PABPC4L: variants seen among roughly 807,000 people sequenced by gnomAD.
PABPC4L encodes the protein polyadenylate-binding protein 4-like.
For synonymous variants in PABPC4L, 169 were observed against 164.1 expected, an observed-to-expected ratio of 1.03 and a Z score of -0.23; for missense variants, 452 against 451.4, an observed-to-expected ratio of 1.00 and a Z score of -0.01.
chr4:134,147,249 C>G, the PABPC4L span, among the ~76,000 whole-genome samples: 1 of 151,942 alleles, frequency 6.6e-6, no homozygotes, highest in South Asian at 2.1e-4. Flanking sequence ...AATTTGAACT[C>G]AATTGTTTGT....
At chr4:134,196,052 C>T (rs1320528092), downstream of PABPC4L, among the ~76,000 whole-genome samples, 1 of 151,276 alleles carries the variant, frequency 6.6e-6, no homozygotes, top group African/African-American at 2.4e-5. Flanking sequence ...CAATTCTAAG[C>T]ACTTGACAGG....
the PABPC4L span, among the ~76,000 whole-genome samples, chr4:134,093,423 T>C: frequency 6.6e-6 from 1 of 151,792 alleles, no homozygotes; most frequent in African/African-American, 2.4e-5. Flanking sequence ...CCAAGAGTTG[T>C]TTAACATAAT....
the PABPC4L span, among the ~76,000 whole-genome samples, chr4:134,016,319 C>T: frequency 2.3e-4 from 35 of 152,194 alleles, no homozygotes; most frequent in African/African-American, 8.2e-4. Flanking sequence ...ATATCCTGCA[C>T]CATCATGCAA....
the PABPC4L span, among the ~76,000 whole-genome samples, chr4:133,962,025 C>G: frequency 6.6e-6 from 1 of 152,032 alleles, no homozygotes; most frequent in African/African-American, 2.4e-5. Context: ...ATCTTGGGAG[C>G]AATAAGAAAA....
chr4:133,983,757 G>T, the PABPC4L span, among the ~76,000 whole-genome samples: 2 of 151,632 alleles, frequency 1.3e-5, no homozygotes, highest in Admixed American at 1.3e-4. Flanking sequence ...CATCTTATAG[G>T]TATATTGGAA....
the PABPC4L span, among the ~76,000 whole-genome samples, chr4:133,973,767 T>G: frequency 6.6e-6 from 1 of 152,288 alleles, no homozygotes; most frequent in Non-Finnish European, 1.5e-5. Flanking sequence ...ACAACACATT[T>G]GTCAAAAACA....
the PABPC4L span, among the ~76,000 whole-genome samples, chr4:133,948,889 G>C: frequency 6.6e-6 from 1 of 152,102 alleles, no homozygotes; most frequent in African/African-American, 2.4e-5. Flanking sequence ...TACTCTCTCA[G>C]GGTTATTGCC....
chr4:133,976,657 C>A, the PABPC4L span, among the ~76,000 whole-genome samples: 1 of 152,166 alleles, frequency 6.6e-6, no homozygotes, highest in Non-Finnish European at 1.5e-5. Context: ...ACCATTCTGA[C>A]TGGCATGAGA....
chr4:134,190,920 G>T, the PABPC4L span, among the ~76,000 whole-genome samples: 1 of 152,090 alleles, frequency 6.6e-6, no homozygotes, highest in South Asian at 2.1e-4. Flanking sequence ...CCAATGTGCT[G>T]GGATTACAGG....
the PABPC4L span, among the ~76,000 whole-genome samples, chr4:134,086,531 G>T: frequency 6.6e-6 from 1 of 151,590 alleles, no homozygotes; most frequent in Non-Finnish European, 1.5e-5. Context: ...TTTATCAAAA[G>T]AAGTGGAACC....
At chr4:134,153,770 CAG>C in the PABPC4L span, among the ~76,000 whole-genome samples, 1 of 150,420 alleles carries the variant, frequency 6.6e-6, no homozygotes, top group Non-Finnish European at 1.5e-5. Flanking sequence ...CCTCAGCCTC[CAG>C]AGTAGCTGGG....
At chr4:134,100,835 G>C in the PABPC4L span, among the ~76,000 whole-genome samples, 1 of 151,528 alleles carries the variant, frequency 6.6e-6, no homozygotes, top group South Asian at 2.1e-4. Flanking sequence ...ATGTGCGAGA[G>C]ATCTAAATCA....
the PABPC4L span, among the ~76,000 whole-genome samples, chr4:133,985,134 T>C: frequency 2.0e-5 from 3 of 151,966 alleles, no homozygotes; most frequent in East Asian, 1.9e-4. Context: ...GGTGTCAATA[T>C]AGACCATTAA....
chr4:133,993,132 T>C, the PABPC4L span, among the ~76,000 whole-genome samples: 1 of 152,148 alleles, frequency 6.6e-6, no homozygotes, highest in Non-Finnish European at 1.5e-5. Context: ...TTTTAGAAAG[T>C]GTTTTTCTAT....
the PABPC4L span, among the ~76,000 whole-genome samples, chr4:134,180,137 A>G: frequency 0.45 from 68,721 of 151,898 alleles, 18,010 homozygotes; most frequent in East Asian, 0.98. Flanking sequence ...TGTCCACAGA[A>G]TTGGGCATAA....
the PABPC4L span, among the ~76,000 whole-genome samples, chr4:134,149,731 C>G: frequency 6.6e-6 from 1 of 152,088 alleles, no homozygotes; most frequent in Admixed American, 6.6e-5. Context: ...AGAAATCCAT[C>G]TAAAATTTAG....
chr4:134,052,963 T>C, the PABPC4L span, among the ~76,000 whole-genome samples: 1 of 152,138 alleles, frequency 6.6e-6, no homozygotes, highest in Non-Finnish European at 1.5e-5. Context: ...ATTTATTTTC[T>C]TTGGAAGCAT....
chr4:133,949,334 T>C, the PABPC4L span, among the ~76,000 whole-genome samples: 1 of 152,164 alleles, frequency 6.6e-6, no homozygotes, highest in East Asian at 1.9e-4. Flanking sequence ...CATCAAACTT[T>C]AGGGTCTCAG....
At position 134,200,404 on chromosome 4, in the gene PABPC4L, A is replaced by G. The variant is rs1362913499; in HGVS notation, c.616T>C (p.Leu206=). 9.6e-6 allele frequency: 15 copies of G among 1,558,448 alleles called. No homozygotes were observed. Among genetic ancestry groups the G allele is most frequent in the Middle Eastern group, 3.3e-4 (2 of 5,996 alleles). Residue 206 remains leucine, a synonymous_variant, in exon 2 of 2, where the codon TTG becomes CTG. Coordinates refer to ENST00000421491, the MANE Select transcript of PABPC4L (RefSeq NM_001114734.2). ...CCATATTTGCTGAAAACGTCCTTCAATCTCTCATCATCCATGTCACCTCCA... is the reference window on the plus strand; with the variant it reads ...CCATATTTGCTGAAAACGTCCTTCAGTCTCTCATCATCCATGTCACCTCCA... ...NFGGDMDDER[L]KDVFSKYGKT...
Sources: allele counts gnomAD v4.1 joint callset (sites outside exome capture counted in the v4.1 genomes callset), GRCh38; gene constraint gnomAD v4.1.1; transcripts MANE v1.5; gene names NCBI Gene and HGNC (gene_info 2026-07-23, HGNC 2026-07-21).